The following TNRC6A variants were observed in gnomAD, a reference collection of about 807,000 sequenced individuals.
The protein encoded by TNRC6A is trinucleotide repeat containing adaptor 6A.
A neutral mutation model predicts 221.2 loss-of-function variants in TNRC6A; 44 were observed. That is an observed-to-expected ratio of 0.20 (90% CI 0.16 to 0.26). The LOEUF (loss-of-function observed/expected upper bound fraction) is 0.26, where lower values mean the gene tolerates loss of function less well. TNRC6A is among the 10% of genes least tolerant of loss of function. The pLI is 1.00. For missense variants in TNRC6A, 2,199 were observed against 2,404.4 expected (o/e 0.91, Z 1.79); for synonymous variants, 847 against 838.5 (o/e 1.01, Z -0.18).
At chr16:24,770,174 C>T (rs1243203046) in intron 4 of TNRC6A, among the ~76,000 whole-genome samples, 4 of 152,032 alleles carry the variant, frequency 2.6e-5, no homozygotes, top group African/African-American at 4.8e-5. Flanking sequence ...AAAGAAATAG[C>T]GTGAAAGAAC....
intron 5 of TNRC6A, among the ~76,000 whole-genome samples, chr16:24,785,117 A>T (rs2057937540): frequency 1.3e-5 from 2 of 152,124 alleles, no homozygotes. Context: ...ATATACTTGG[A>T]TCTGTTTCTG....
intron 2 of TNRC6A, among the ~76,000 whole-genome samples, chr16:24,717,959 A>G (rs1403919059): frequency 6.6e-6 from 1 of 151,696 alleles, no homozygotes; most frequent in Non-Finnish European, 1.5e-5. Flanking sequence ...TAGTATTTTT[A>G]GTAGAGACAG....
Position 24,729,684 on chromosome 16 carries a change from T to TCGGCGGCGG in TNRC6A, c.-132_-124dup, listed in dbSNP as rs57831728. ...TCTGGGGCCTGCGGCGGCGGCGGTG[T>TCGGCGGCGG]CGGCGGCGGCGGCGGCGGCGGCGGC... On this transcript the variant is annotated 5_prime_UTR_variant, in exon 1 of 25. Transcript: ENST00000395799. The TCGGCGGCGG allele has an allele frequency of 2.1e-3, 1,292 of 629,728 alleles. 8 individuals carry two copies. Among genetic ancestry groups the TCGGCGGCGG allele is most frequent in the African/African-American group, 8.6e-3 (419 of 48,800 alleles). The allele number at this position is 629,728 out of a possible 1,614,324, so 39.0% of individuals were successfully genotyped here. A position where few individuals can be genotyped will look rare whatever the true frequency, so the allele number is the denominator to read the frequency against.
chr16:24,822,157 C>T lies in TNRC6A; in HGVS notation c.5373+10C>T, dbSNP rs765324636. 3 of 1,613,044 alleles carry T rather than the reference C, an allele frequency of 1.9e-6. No individual in the cohort carries two copies. Among genetic ancestry groups the T allele is most frequent in the East Asian group, 2.2e-5 (1 of 44,876 alleles). ...AAACCTTACACCTCAGGTAAGGATACCAGATACGCTGGTTTATGTGGCTAC... is the reference window on the plus strand; with the variant it reads ...AAACCTTACACCTCAGGTAAGGATATCAGATACGCTGGTTTATGTGGCTAC... On this transcript the variant is annotated intron_variant, in intron 23 of 24. Coordinates refer to ENST00000395799, the MANE Select transcript of TNRC6A (RefSeq NM_014494.4).
intron 2 of TNRC6A, among the ~76,000 whole-genome samples, chr16:24,697,610 A>G (rs1399988848): frequency 3.3e-5 from 5 of 152,204 alleles, no homozygotes; most frequent in African/African-American, 7.2e-5. Context: ...ACTTGAGCCC[A>G]GGAGGTGAAG....
intron 2 of TNRC6A, among the ~76,000 whole-genome samples, chr16:24,744,853 A>G (rs1470746807): frequency 1.3e-5 from 2 of 152,208 alleles, no homozygotes; most frequent in African/African-American, 4.8e-5. Flanking sequence ...TTATGCACGT[A>G]CAAGGACATG....
At chr16:24,707,360 A>G (rs987159957) in intron 2 of TNRC6A, among the ~76,000 whole-genome samples, 1 of 151,492 alleles carries the variant, frequency 6.6e-6, no homozygotes, top group African/African-American at 2.4e-5. Flanking sequence ...GCACACACAC[A>G]CACACACACA....
chr16:24,727,593 A>G (rs2056513707), upstream of TNRC6A, among the ~76,000 whole-genome samples: 2 of 152,094 alleles, frequency 1.3e-5, no homozygotes, highest in South Asian at 4.1e-4. Flanking sequence ...TCACTGAGTC[A>G]TTAAAACCTA....
chr16:24,611,701 G>T (rs1900064480), intron 1 of TNRC6A, among the ~76,000 whole-genome samples: 1 of 152,290 alleles, frequency 6.6e-6, no homozygotes, highest in South Asian at 2.1e-4. Flanking sequence ...ACAGGGAGAG[G>T]ACAGATTAGA....
intron 2 of TNRC6A, among the ~76,000 whole-genome samples, chr16:24,736,036 ATGCCTGTAATCCCAGCTACT>A (rs1267964718): frequency 6.6e-6 from 1 of 152,142 alleles, no homozygotes; most frequent in Non-Finnish European, 1.5e-5. Flanking sequence ...GTGGTGGCAC[ATGCCTGTAATCCCAGCTACT>A]TGTGAGGGTG....
chr16:24,678,266 G>T (rs563054794), intron 2 of TNRC6A, among the ~76,000 whole-genome samples: 1 of 149,794 alleles, frequency 6.7e-6, no homozygotes, highest in Non-Finnish European at 1.5e-5. Flanking sequence ...AGTTGAGATC[G>T]TGCCACTACA....
intron 2 of TNRC6A, among the ~76,000 whole-genome samples, chr16:24,707,425 A>G (rs950244003): frequency 2.0e-5 from 3 of 152,030 alleles, no homozygotes; most frequent in Non-Finnish European, 4.4e-5. Context: ...CAAAACTCAG[A>G]TGCTAAAAAG....
intron 2 of TNRC6A, among the ~76,000 whole-genome samples, chr16:24,689,355 G>T (rs1023691210): frequency 6.6e-6 from 1 of 152,164 alleles, no homozygotes; most frequent in Non-Finnish European, 1.5e-5. Flanking sequence ...ATTTGAGACC[G>T]GAGGCTTGGC....
intron 2 of TNRC6A, among the ~76,000 whole-genome samples, chr16:24,707,799 C>T (rs181155900): frequency 1.1e-3 from 161 of 152,298 alleles, no homozygotes; most frequent in Admixed American, 2.2e-3. Flanking sequence ...TGGCTCACGC[C>T]TGTAATCCCA....
rs543249051 is a variant in TNRC6A, at chr16:24,763,828, T to C, written c.163+5468T>C. 6.6e-5 allele frequency among the ~76,000 whole-genome samples: 10 copies of C among 152,340 alleles called. No individual in the cohort carries two copies. In the South Asian group the frequency reaches 2.1e-3, roughly 32 times the overall value. On this transcript the variant is annotated intron_variant, in intron 4 of 24. Transcript: ENST00000395799. ...TTTGTCATTTACCTGTGATCTGAAC[T>C]TATCACTCCATTTTCTCCATAAGAT...
intron 4 of TNRC6A, among the ~76,000 whole-genome samples, chr16:24,773,002 TA>T (rs957042935): frequency 4.2e-4 from 64 of 152,334 alleles, no homozygotes; most frequent in African/African-American, 1.3e-3. Context: ...TGCCGAAGGT[TA>T]TTTTTTTCCA....
intron 2 of TNRC6A, among the ~76,000 whole-genome samples, chr16:24,739,727 C>A (rs2056852284): frequency 6.6e-6 from 1 of 152,134 alleles, no homozygotes; most frequent in African/African-American, 2.4e-5. Context: ...GATCCACCCG[C>A]CTCTGCCTCC....
At chr16:24,801,708 G>A (rs760513177) in intron 11 of TNRC6A, among the ~76,000 whole-genome samples, 1 of 151,944 alleles carries the variant, frequency 6.6e-6, no homozygotes, top group Non-Finnish European at 1.5e-5. Flanking sequence ...CAAACTGGTC[G>A]CAAACTCCTG....
intron 17 of TNRC6A, among the ~76,000 whole-genome samples, chr16:24,807,498 G>A (rs1419272747): frequency 6.6e-6 from 1 of 152,156 alleles, no homozygotes; most frequent in Non-Finnish European, 1.5e-5. Context: ...GAAACAGCTG[G>A]GGATGGTCAC....
Sources: gnomAD v4.1 joint callset for allele counts (sites outside exome capture counted in the v4.1 genomes callset) on GRCh38, gnomAD v4.1.1 for gene constraint, MANE v1.5 for transcripts, NCBI Gene and HGNC (gene_info 2026-07-23, HGNC 2026-07-21) for gene names.